SCTR: variants seen among roughly 807,000 people sequenced by gnomAD.
The protein encoded by SCTR is secretin receptor.
A neutral mutation model predicts 60.8 loss-of-function variants in SCTR; 56 were observed. The ratio of observed to expected loss-of-function variants is 0.92; its 90% CI spans 0.74 to 1.15. The LOEUF is 1.15. Among genes scored for constraint, SCTR ranks in the 50% most tolerant of loss-of-function variants. The pLI, the probability that SCTR is intolerant of heterozygous loss-of-function variation, is 0.00. For missense variants in SCTR, 562 were observed against 550.4 expected (o/e 1.02, Z -0.21); for synonymous variants, 202 against 217.0 (o/e 0.93, Z 0.61).
rs1266441255 is a variant in SCTR at position 119,494,519 on chromosome 2, C to T, written c.102G>A (p.Val34=). 1.2e-6 allele frequency: 2 copies of T among 1,614,072 alleles called. No individual in the cohort carries two copies. The highest frequency in any genetic ancestry group is 1.7e-6 in the Non-Finnish European group (2 of 1,179,956). ...STGALPRLCD[V]LQVLWEEQDQ... ...CTTGCTCTTCCCACAGCACTTGTAGCACGTCACATAGTCGGGGAAGGGCTC... is the reference window on the plus strand; with the variant it reads ...CTTGCTCTTCCCACAGCACTTGTAGTACGTCACATAGTCGGGGAAGGGCTC... The change falls in exon 2 of 13, where the codon GTG becomes GTA. Residue 34 remains valine (V), a synonymous_variant. Transcript: ENST00000019103.
intron 10 of SCTR, among the ~76,000 whole-genome samples, chr2:119,447,977 T>C (rs1453111440): frequency 1.3e-5 from 2 of 152,120 alleles, no homozygotes. Flanking sequence ...GTGACTGCAT[T>C]TGGAGAAAGG....
intron 1 of SCTR, among the ~76,000 whole-genome samples, chr2:119,504,814 C>G (rs1201562457): frequency 6.6e-6 from 1 of 152,036 alleles, no homozygotes. Context: ...TGTTTACAAA[C>G]TACATATTCA....
At chr2:119,469,315 G>A (rs1172647497) in intron 4 of SCTR, among the ~76,000 whole-genome samples, 1 of 152,170 alleles carries the variant, frequency 6.6e-6, no homozygotes, top group Admixed American at 6.5e-5. Flanking sequence ...GTGACAAGGG[G>A]GGTGTCATGC....
intron 7 of SCTR, among the ~76,000 whole-genome samples, chr2:119,458,600 C>CA (rs35957538): frequency 1.5e-3 from 203 of 134,580 alleles, no homozygotes; most frequent in Admixed American, 1.8e-3. Context: ...GACTCTCTCT[C>CA]AAAAAAAAAA....
chr2:119,479,603 C>G (rs1677506320), intron 2 of SCTR: 1 of 152,264 alleles, frequency 6.6e-6, no homozygotes, highest in Non-Finnish European at 1.5e-5. Flanking sequence ...GTCCTGGGAC[C>G]ACACTCAGAG....
intron 4 of SCTR, among the ~76,000 whole-genome samples, chr2:119,471,843 A>G (rs1211065843): frequency 7.2e-5 from 11 of 152,176 alleles, no homozygotes; most frequent in Non-Finnish European, 1.6e-4. Context: ...CCACTACTTT[A>G]CAAGCATGTT....
chr2:119,486,754 AAGAACTAAAAATTTAAATTGCCT>A (rs1188002978), intron 2 of SCTR: 8 of 152,176 alleles, frequency 5.3e-5, no homozygotes, highest in Non-Finnish European at 1.2e-4. Flanking sequence ...CAGTTGTTTT[AAGAACTAAAAATTTAAATTGCCT>A]AGAATGTTAT....
rs1271115153 is a variant in SCTR, at chr2:119,446,562, T to C, written c.1140+197A>G. The stretch of plus-strand genomic sequence containing the variant: ...TCAGTCTCTCTGTCTCTCTTAGTTT[T>C]ATCTCCCACCCCCATTTGACTGGTG... On this transcript the variant is annotated intron_variant, in intron 11 of 12. Transcript: ENST00000019103. Among the ~76,000 whole-genome samples, 26 of 152,188 alleles carry C rather than the reference T, an allele frequency of 1.7e-4. 1 individual carries two copies. The highest frequency in any genetic ancestry group is 1.7e-3 in the Admixed American group (26 of 15,274).
chr2:119,482,441 A>C (rs2104862084), intron 2 of SCTR, among the ~76,000 whole-genome samples: 1 of 152,268 alleles, frequency 6.6e-6, no homozygotes, highest in East Asian at 1.9e-4. Flanking sequence ...GTGTCGTAGA[A>C]TTGTAGAGGG....
In SCTR at chr2:119,440,213, A is replaced by C; in HGVS notation, c.1227T>G (p.Arg409=). The part of the protein sequence containing the change: ...VQKKWQQWHL[R]EFPLHPVASF... ...AGGCCACGGGGTGCAGTGGGAACTC[A>C]CGGAGGTGCCATTGCTGCCACTTCT... Residue 409 remains arginine (R), a synonymous_variant, in exon 13 of 13, where the codon CGT becomes CGG. Transcript: ENST00000019103. 1 of 1,614,050 alleles carries C rather than the reference A, an allele frequency of 6.2e-7. No homozygotes were observed. The highest frequency in any genetic ancestry group is 8.5e-7 in the Non-Finnish European group (1 of 1,179,990).
intron 8 of SCTR, among the ~76,000 whole-genome samples, chr2:119,452,502 A>G (rs962155885): frequency 2.0e-5 from 3 of 152,168 alleles, no homozygotes; most frequent in Non-Finnish European, 4.4e-5. Flanking sequence ...TGCCCTGTCC[A>G]AGACAGCCGC....
chr2:119,497,274 C>T (rs530841117), intron 1 of SCTR, among the ~76,000 whole-genome samples: 1 of 151,742 alleles, frequency 6.6e-6, no homozygotes, highest in Non-Finnish European at 1.5e-5. Context: ...TCAAATAAGG[C>T]AGAGTGGGAA....
intron 1 of SCTR, among the ~76,000 whole-genome samples, chr2:119,510,128 C>A (rs1243780525): frequency 3.3e-5 from 5 of 151,754 alleles, no homozygotes; most frequent in African/African-American, 1.2e-4. Context: ...AATGCTATCC[C>A]TCCCCCAGCC....
chr2:119,487,532 G>A (rs1360047938), intron 2 of SCTR, among the ~76,000 whole-genome samples: 2 of 152,170 alleles, frequency 1.3e-5, no homozygotes, highest in Admixed American at 1.3e-4. Context: ...CTGTCTGACT[G>A]TCAAGCCCAC....
intron 3 of SCTR, among the ~76,000 whole-genome samples, chr2:119,478,424 G>A (rs1040734121): frequency 2.0e-5 from 3 of 152,128 alleles, no homozygotes; most frequent in African/African-American, 4.8e-5. Context: ...ATTTTGGAAG[G>A]CCAGGCCATT....
intron 7 of SCTR, among the ~76,000 whole-genome samples, chr2:119,458,131 A>G (rs1445172156): frequency 6.6e-6 from 1 of 151,826 alleles, no homozygotes; most frequent in Non-Finnish European, 1.5e-5. Flanking sequence ...CTGTCTCTAC[A>G]AAAAATAAAA....
chr2:119,454,562 C>T (rs72833272), intron 7 of SCTR, among the ~76,000 whole-genome samples: 3 of 152,082 alleles, frequency 2.0e-5, no homozygotes, highest in South Asian at 4.1e-4. Flanking sequence ...AATAAAAGGA[C>T]GTAAAACATG....
intron 1 of SCTR, among the ~76,000 whole-genome samples, chr2:119,517,681 T>C (rs1247602929): frequency 6.6e-6 from 1 of 152,022 alleles, no homozygotes; most frequent in Non-Finnish European, 1.5e-5. Context: ...TGGATAGACT[T>C]GGGGAAGTTA....
At chr2:119,506,748 T>A (rs1573918216) in intron 1 of SCTR, among the ~76,000 whole-genome samples, 1 of 152,162 alleles carries the variant, frequency 6.6e-6, no homozygotes, top group Non-Finnish European at 1.5e-5. Flanking sequence ...AGTCTTGGGA[T>A]TACAGACACG....
Sources: gnomAD v4.1 joint callset for allele counts (sites outside exome capture counted in the v4.1 genomes callset) on GRCh38, gnomAD v4.1.1 for gene constraint, MANE v1.5 for transcripts, NCBI Gene and HGNC (gene_info 2026-07-23, HGNC 2026-07-21) for gene names.